The following F13A1 variants were observed in gnomAD, a reference collection of about 807,000 sequenced individuals.
F13A1 encodes the protein FSF, A subunit.
Under a neutral mutation model 80.1 loss-of-function variants are expected in F13A1, and 47 were observed. The observed-to-expected ratio is 0.59, with a 90% CI of 0.46 to 0.75. The LOEUF is 0.75. F13A1 is among the 30% of genes least tolerant of loss of function. The pLI is 0.00. For synonymous variants in F13A1, 349 were observed against 344.9 expected, an observed-to-expected ratio of 1.01 and a Z score of -0.13; for missense variants, 817 against 930.4, an observed-to-expected ratio of 0.88 and a Z score of 1.59.
intron 14 of F13A1, among the ~76,000 whole-genome samples, chr6:6,146,014 G>A (rs994886830): frequency 3.9e-5 from 6 of 152,054 alleles, no homozygotes; most frequent in South Asian, 2.1e-4. Context: ...GGATGCATCC[G>A]CCAGCCTCCC....
intron 10 of F13A1, among the ~76,000 whole-genome samples, chr6:6,185,127 CTCTTT>C (rs1217479748): frequency 2.3e-5 from 3 of 131,894 alleles, no homozygotes; most frequent in African/African-American, 5.6e-5. Flanking sequence ...CTGAATCTCT[CTCTTT>C]TTTTTTTTTT....
intron 7 of F13A1, among the ~76,000 whole-genome samples, 156 bp from the exon 8 acceptor site, chr6:6,222,327 C>T (rs1301901670): frequency 6.6e-6 from 1 of 152,200 alleles, no homozygotes; most frequent in Non-Finnish European, 1.5e-5. Flanking sequence ...AAAGGGTGGT[C>T]ATTCAACCCC....
chr6:6,250,710 G>A lies in F13A1; in HGVS notation c.690+101C>T, dbSNP rs4114865. ...CTCAGATCCTAAAAAGCAGGAAATT[G>A]TGCTTGTCTAATATCGATATATGGG... On this transcript the variant is annotated intron_variant, in intron 5 of 14. Coordinates refer to ENST00000264870, the MANE Select transcript of F13A1 (RefSeq NM_000129.4). This position sits in a 1 kb window ranked among gnomAD's most constrained non-coding sequence, Gnocchi z 4.2. 271 of 817,428 alleles carry A rather than the reference G, an allele frequency of 3.3e-4. 2 individuals are homozygous for A. In the African/African-American group the frequency reaches 4.2e-3, roughly 13 times the overall value. 50.6% of individuals were successfully genotyped at this position (817,428 alleles called of 1,614,324 possible).
At chr6:6,211,353 T>C (rs949585317) in intron 8 of F13A1, among the ~76,000 whole-genome samples, 3 of 152,230 alleles carry the variant, frequency 2.0e-5, no homozygotes, top group African/African-American at 7.2e-5. Flanking sequence ...TAACTCCAGG[T>C]GATTTTCCTA....
rs546357482 is a variant in F13A1 at position 6,266,471 on chromosome 6, C to T, written c.571+87G>A. ...AAGCGATCCTCCCATCTTGGCCTCCCAAAGAGCTGGGAGTATAGGCATGTG... is the reference window on the plus strand; with the variant it reads ...AAGCGATCCTCCCATCTTGGCCTCCTAAAGAGCTGGGAGTATAGGCATGTG... On this transcript the variant is annotated intron_variant, in intron 4 of 14. Coordinates refer to ENST00000264870, the MANE Select transcript of F13A1 (RefSeq NM_000129.4). 8,742 of 1,605,346 alleles carry T rather than the reference C, an allele frequency of 5.4e-3. 27 individuals carry two copies. Among genetic ancestry groups the T allele is most frequent in the Non-Finnish European group, 6.4e-3 (7,490 of 1,172,770 alleles).
intron 1 of F13A1, among the ~76,000 whole-genome samples, chr6:6,319,300 C>T (rs926976759): frequency 2.6e-5 from 4 of 152,092 alleles, no homozygotes; most frequent in African/African-American, 9.7e-5. Flanking sequence ...CCAAGAAGAG[C>T]CATAAGTAAA....
rs933077479 is a variant in F13A1, at chr6:6,206,158, A to AGTTACTGT, written c.1113-8840_1113-8833dup. On this transcript the variant is annotated intron_variant, in intron 8 of 14. Transcript: ENST00000264870. ...AACCAATAGACCCAGTAGGTACCAA[A>AGTTACTGT]GTTACTGTTTTGCATTATAAACTAT... Among the ~76,000 whole-genome samples, 60 of 152,330 alleles carry AGTTACTGT rather than the reference A, an allele frequency of 3.9e-4. 1 individual carries two copies. The highest frequency in any genetic ancestry group is 1.4e-3 in the African/African-American group (60 of 41,576).
intron 6 of F13A1, among the ~76,000 whole-genome samples, chr6:6,234,316 G>A (rs1046423219): frequency 6.6e-6 from 1 of 151,954 alleles, no homozygotes; most frequent in African/African-American, 2.4e-5. Flanking sequence ...GTGACCAAGT[G>A]GAGCATCAAA....
At chr6:6,215,085 G>A (rs1167989490) in intron 8 of F13A1, among the ~76,000 whole-genome samples, 19 of 113,984 alleles carry the variant, frequency 1.7e-4, no homozygotes, top group Admixed American at 5.3e-4. Context: ...ATTCACAGCC[G>A]AATTCTACCA....
At chr6:6,182,502 G>A (rs1231323737) in intron 10 of F13A1, among the ~76,000 whole-genome samples, 1 of 152,110 alleles carries the variant, frequency 6.6e-6, no homozygotes, top group Non-Finnish European at 1.5e-5. Flanking sequence ...GGCTAACTGT[G>A]GCTATGTGAC....
chr6:6,319,878 A>AG lies in F13A1; in HGVS notation c.-19+708_-19+709insC, dbSNP rs1473235918. Among the ~76,000 whole-genome samples the AG allele has an allele frequency of 5.9e-5, 9 of 152,298 alleles. No homozygotes were observed. In the East Asian group the frequency reaches 1.7e-3, roughly 29 times the overall value. On this transcript the variant is annotated intron_variant, in intron 1 of 14. Coordinates refer to ENST00000264870, the MANE Select transcript of F13A1 (RefSeq NM_000129.4). ...TATATTTACAGTCATTGGTGAGCTGACGGGGGAAGGGAGGGAGAAGAGCGA... is the reference window on the plus strand; with the variant it reads ...TATATTTACAGTCATTGGTGAGCTGAGCGGGGGAAGGGAGGGAGAAGAGCGA...
At chr6:6,205,820 A>G in intron 8 of F13A1, among the ~76,000 whole-genome samples, 1 of 152,156 alleles carries the variant, frequency 6.6e-6, no homozygotes, top group East Asian at 1.9e-4. Context: ...CGAAAACAAC[A>G]AAAATTAAAA....
At position 6,305,357 on chromosome 6, in the gene F13A1, C is replaced by T. The variant is rs868565007; in HGVS notation, c.313G>A (p.Val105Ile). 6.8e-6 allele frequency: 11 copies of T among 1,614,056 alleles called. No individual in the cohort carries two copies. The highest frequency in any genetic ancestry group is 3.3e-5 in the Admixed American group (2 of 60,004). ...PRRDLFRVEY[V>I]IGRYPQENKG... ...GCTTGCACATGGCACTCACCAATGA[C>T]GTATTCCACCCTGAAGAGATCCCTT... The change falls in exon 3 of 15, where the codon GTC becomes ATC. Residue 105 changes from valine (V) to isoleucine (I), a missense_variant. By Grantham distance (29) the Val-to-Ile change is conservative. Transcript: ENST00000264870.
At chr6:6,265,147 A>G (rs1413401229) in intron 4 of F13A1, among the ~76,000 whole-genome samples, 5 of 152,252 alleles carry the variant, frequency 3.3e-5, no homozygotes, top group Non-Finnish European at 7.3e-5. Flanking sequence ...CAGTAGGACC[A>G]AGGTGTATGT....
At chr6:6,315,710 T>C (rs577681549) in intron 2 of F13A1, among the ~76,000 whole-genome samples, 19 of 152,062 alleles carry the variant, frequency 1.2e-4, no homozygotes, top group African/African-American at 4.6e-4. Context: ...TCTCAGTCAG[T>C]ATTACAAGAG....
Position 6,301,615 on chromosome 6 carries a change from GA to G in F13A1, c.319+3735del, listed in dbSNP as rs370223548. Among the ~76,000 whole-genome samples the G allele has an allele frequency of 5.5e-4, 83 of 152,234 alleles. No homozygotes were observed. The East Asian group carries it at 0.01, about 19-fold the overall frequency. Reference sequence around the variant, plus strand: ...GCTATGCTTTTCCCCCTCTTTTATTGAGGGAACAAAAGTAATAGTATTTCTT... The same window carrying G: ...GCTATGCTTTTCCCCCTCTTTTATTGGGGAACAAAAGTAATAGTATTTCTT... On this transcript the variant is annotated intron_variant, in intron 3 of 14. Coordinates refer to ENST00000264870, the MANE Select transcript of F13A1 (RefSeq NM_000129.4).
At chr6:6,275,379 T>C (rs1051200555) in intron 3 of F13A1, among the ~76,000 whole-genome samples, 1 of 152,082 alleles carries the variant, frequency 6.6e-6, no homozygotes, top group East Asian at 1.9e-4. Flanking sequence ...GTTTGTTTTG[T>C]TTTGTTTGGA....
At chr6:6,190,909 C>G (rs372954603) in intron 10 of F13A1, among the ~76,000 whole-genome samples, 2 of 150,220 alleles carry the variant, frequency 1.3e-5, no homozygotes, top group African/African-American at 4.9e-5. Flanking sequence ...GAGCCAGGTG[C>G]GGGATATAAT....
intron 10 of F13A1, among the ~76,000 whole-genome samples, chr6:6,186,695 T>A (rs189570355): frequency 0.13 from 19,329 of 152,230 alleles, 1,462 homozygotes; most frequent in Middle Eastern, 0.2. Context: ...AGGATTGACT[T>A]GGTGATGCAG....
Sources: gnomAD v4.1 joint callset for allele counts (sites outside exome capture counted in the v4.1 genomes callset) on GRCh38, gnomAD v4.1.1 for gene constraint, Gnocchi (gnomAD v3.1) non-coding constraint, MANE v1.5 for transcripts, NCBI Gene and HGNC (gene_info 2026-07-23, HGNC 2026-07-21) for gene names.